The following LINGO2 variants were observed in gnomAD, a reference collection of about 807,000 sequenced individuals.
The protein encoded by LINGO2 is leucine rich repeat and Ig domain containing 2, also known as leucine-rich repeat and immunoglobulin-like domain-containing nogo receptor-interacting protein 2.
In LINGO2, 14 loss-of-function variants were observed where a neutral mutation model predicts 30.6. The ratio of observed to expected loss-of-function variants is 0.46; its 90% CI spans 0.30 to 0.72. The LOEUF (loss-of-function observed/expected upper bound fraction) is 0.72, where lower values mean the gene tolerates loss of function less well. Among genes scored for constraint, LINGO2 ranks in the 30% least tolerant of loss-of-function variants. The probability of loss-of-function intolerance (pLI) is 0.07; values close to 1 mark genes in which losing one functional copy is unlikely to be tolerated. For missense variants in LINGO2, 729 were observed against 751.7 expected (o/e 0.97, Z 0.35); for synonymous variants, 317 against 288.5 (o/e 1.10, Z -1.00).
At chr9:28,905,020 C>T in the LINGO2 span, among the ~76,000 whole-genome samples, 6 of 151,698 alleles carry the variant, frequency 4.0e-5, no homozygotes, top group South Asian at 2.1e-4. Context: ...GAACACACAA[C>T]GGGCAAAGAA....
At chr9:28,799,055 G>T in the LINGO2 span, among the ~76,000 whole-genome samples, 1 of 152,120 alleles carries the variant, frequency 6.6e-6, no homozygotes, top group Admixed American at 6.6e-5. Flanking sequence ...GTATGATCAT[G>T]AGTAGTGAGT....
At chr9:28,705,753 C>T in the LINGO2 span, among the ~76,000 whole-genome samples, 2 of 152,126 alleles carry the variant, frequency 1.3e-5, no homozygotes, top group African/African-American at 4.8e-5. Context: ...CCACACCAAG[C>T]CTACAGCAGT....
chr9:27,949,539 T>C (rs112622234), exon 6 of LINGO2: 1 of 1,613,958 alleles, frequency 6.2e-7, no homozygotes, highest in African/African-American at 1.3e-5. Context: ...CATAGGTTGC[T>C]GGCCACCAAA....
chr9:29,008,896 C>T, the LINGO2 span, among the ~76,000 whole-genome samples: 977 of 152,130 alleles, frequency 6.4e-3, 13 homozygotes, highest in African/African-American at 0.023. Flanking sequence ...AATCAATAAA[C>T]GTAATCCAGC....
downstream of LINGO2, among the ~76,000 whole-genome samples, chr9:27,947,162 C>T (rs1014737442): frequency 1.3e-5 from 2 of 152,158 alleles, no homozygotes; most frequent in African/African-American, 4.8e-5. Flanking sequence ...AAATATTTGA[C>T]ATTGCATGAA....
chr9:28,253,402 T>G (rs754757184), intron 4 of LINGO2, among the ~76,000 whole-genome samples: 6 of 152,168 alleles, frequency 3.9e-5, no homozygotes, highest in Non-Finnish European at 7.3e-5. Flanking sequence ...CAAAGGCTGC[T>G]GCATACCAAT....
chr9:28,607,473 T>G (rs1825741500), intron 1 of LINGO2, among the ~76,000 whole-genome samples: 1 of 152,082 alleles, frequency 6.6e-6, no homozygotes, highest in African/African-American at 2.4e-5. Flanking sequence ...AGCAAAATAG[T>G]AGACATCATT....
the LINGO2 span, among the ~76,000 whole-genome samples, chr9:29,023,983 C>T: frequency 1.3e-5 from 2 of 151,862 alleles, no homozygotes; most frequent in Non-Finnish European, 2.9e-5. Context: ...TACAAATATT[C>T]CAACCTTTCT....
At chr9:28,048,721 A>G (rs1223247008) in intron 4 of LINGO2, among the ~76,000 whole-genome samples, 4 of 150,902 alleles carry the variant, frequency 2.7e-5, no homozygotes, top group African/African-American at 9.8e-5. Context: ...GTCCAAGATT[A>G]AAGGAAAAGA....
the LINGO2 span, among the ~76,000 whole-genome samples, chr9:29,193,504 G>A: frequency 1.3e-5 from 2 of 152,150 alleles, no homozygotes; most frequent in Non-Finnish European, 2.9e-5. Flanking sequence ...ACTTTCAAGG[G>A]GAGTAGATTT....
At chr9:28,105,595 C>T (rs1563977875) in intron 4 of LINGO2, among the ~76,000 whole-genome samples, 1 of 152,010 alleles carries the variant, frequency 6.6e-6, no homozygotes, top group Non-Finnish European at 1.5e-5. Context: ...ACATTGAAGC[C>T]CTAACCCCTG....
chr9:29,082,791 T>C, the LINGO2 span, among the ~76,000 whole-genome samples: 1 of 152,154 alleles, frequency 6.6e-6, no homozygotes, highest in Non-Finnish European at 1.5e-5. Flanking sequence ...CAGACACTTC[T>C]CAAAAGAAGA....
chr9:29,040,050 T>C, the LINGO2 span, among the ~76,000 whole-genome samples: 1 of 152,150 alleles, frequency 6.6e-6, no homozygotes, highest in Non-Finnish European at 1.5e-5. Context: ...GAAATTCATA[T>C]CCTAGAAAAG....
chr9:28,620,171 A>G (rs914117699), intron 1 of LINGO2, among the ~76,000 whole-genome samples: 13 of 152,162 alleles, frequency 8.5e-5, no homozygotes, highest in Non-Finnish European at 1.5e-4. Context: ...TAACTGAGGT[A>G]AATACTCTGC....
At chr9:28,013,407 C>T (rs966914997) in intron 4 of LINGO2, among the ~76,000 whole-genome samples, 1 of 152,210 alleles carries the variant, frequency 6.6e-6, no homozygotes, top group Non-Finnish European at 1.5e-5. Flanking sequence ...ATCTGCTGTA[C>T]TCAGGGAAAA....
chr9:28,984,319 T>C, the LINGO2 span, among the ~76,000 whole-genome samples: 2 of 152,098 alleles, frequency 1.3e-5, no homozygotes, highest in East Asian at 3.8e-4. Flanking sequence ...AGACTTCCCA[T>C]AGTGGCATAA....
the LINGO2 span, among the ~76,000 whole-genome samples, chr9:29,088,913 C>G: frequency 6.6e-6 from 1 of 151,970 alleles, no homozygotes; most frequent in Non-Finnish European, 1.5e-5. Flanking sequence ...TGATTTAAAT[C>G]CTGAAATATG....
intron 1 of LINGO2, among the ~76,000 whole-genome samples, chr9:28,603,429 T>C (rs954531982): frequency 6.6e-6 from 1 of 152,012 alleles, no homozygotes; most frequent in African/African-American, 2.4e-5. Flanking sequence ...AAACATGAAT[T>C]AATTTTCAAA....
chr9:28,732,347 T>C, the LINGO2 span, among the ~76,000 whole-genome samples: 17 of 150,660 alleles, frequency 1.1e-4, no homozygotes, highest in Non-Finnish European at 2.2e-4. Flanking sequence ...GGGGTTCACA[T>C]TATTCCAAAA....
Sources: gnomAD v4.1 joint callset for allele counts (sites outside exome capture counted in the v4.1 genomes callset) on GRCh38, gnomAD v4.1.1 for gene constraint, MANE v1.5 for transcripts, NCBI Gene and HGNC (gene_info 2026-07-23, HGNC 2026-07-21) for gene names.